Variants in CD200R1 observed in about 807,000 individuals in gnomAD.
CD200R1 encodes cell surface glycoprotein CD200 receptor 1.
In CD200R1, 30 loss-of-function variants were observed where a neutral mutation model predicts 38.1. The observed-to-expected ratio is 0.79, with a 90% confidence interval of 0.59 to 1.07. CD200R1 has a LOEUF of 1.07. Among genes scored for constraint, CD200R1 ranks in the 50% least tolerant of loss-of-function variants. The pLI is 0.00. For missense variants in CD200R1, 372 were observed against 415.4 expected (o/e 0.90, Z 0.91); for synonymous variants, 128 against 152.1 (o/e 0.84, Z 1.16).
intron 1 of CD200R1, among the ~76,000 whole-genome samples, chr3:112,951,242 G>A (rs574457284): frequency 2.0e-5 from 3 of 152,034 alleles, no homozygotes; most frequent in South Asian, 2.1e-4. Flanking sequence ...ACAATATTAC[G>A]CTAATCAAAT....
chr3:112,971,933 C>A (rs539585264), intron 1 of CD200R1, among the ~76,000 whole-genome samples: 1 of 152,274 alleles, frequency 6.6e-6, no homozygotes, highest in East Asian at 1.9e-4. Context: ...TCCATAAAAT[C>A]CTCCACAACT....
At chr3:112,947,803 T>C in intron 2 of CD200R1, 53 bp downstream of exon 2, 1 of 1,131,334 alleles carries the variant, frequency 8.8e-7, no homozygotes, top group Non-Finnish European at 1.4e-6. Context: ...GTAAAACCTA[T>C]ATGGACATCA....
chr3:112,954,018 G>A (rs6787825), intron 1 of CD200R1, among the ~76,000 whole-genome samples: 3,693 of 151,862 alleles, frequency 0.024, 161 homozygotes, highest in African/African-American at 0.082. Context: ...GTCAACATTC[G>A]GTTGTTTATT....
At position 112,947,884 on chromosome 3, in the gene CD200R1, C is replaced by T. The variant is rs149835762; in HGVS notation, c.108G>A (p.Leu36=). The change falls in exon 2 of 8, where the codon CTG becomes CTA. Residue 36 remains leucine, a synonymous_variant. Transcript: ENST00000308611. ...AAGCATGATTCTCCTTGCTAGTTTG[C>T]AGCATTAATGAGTTGTTTGGTTGAG... ...GAAQPNNSLM[L]QTSKENHALA... is the part of the protein sequence containing the mutation. 3.8e-3 allele frequency: 6,171 copies of T among 1,612,868 alleles called. 17 individuals carry two copies. Among genetic ancestry groups the T allele is most frequent in the Middle Eastern group, 8.6e-3 (52 of 6,060 alleles).
intron 1 of CD200R1, among the ~76,000 whole-genome samples, chr3:112,949,862 A>T (rs995867350): frequency 6.6e-6 from 1 of 152,220 alleles, no homozygotes; most frequent in Non-Finnish European, 1.5e-5. Flanking sequence ...TCGGGAAGAG[A>T]CAATTGTCAG....
At chr3:112,951,801 AG>A (rs567729230) in intron 1 of CD200R1, among the ~76,000 whole-genome samples, 153 of 151,502 alleles carry the variant, frequency 1.0e-3, no homozygotes, top group African/African-American at 3.2e-3. Flanking sequence ...AAAAAAGCCT[AG>A]GAAAAAAAGG....
chr3:112,946,914 T>C (rs1467818951), intron 2 of CD200R1, among the ~76,000 whole-genome samples: 1 of 151,298 alleles, frequency 6.6e-6, no homozygotes, highest in Non-Finnish European at 1.5e-5. Flanking sequence ...ATGAATAAAC[T>C]GTGGTATAGT....
intron 2 of CD200R1, among the ~76,000 whole-genome samples, chr3:112,946,052 AG>A (rs1940851657): frequency 5.0e-5 from 7 of 140,230 alleles, no homozygotes; most frequent in Admixed American, 1.4e-4. Context: ...AAAAAAAAAA[AG>A]GAGAACGAAA....
intron 1 of CD200R1, among the ~76,000 whole-genome samples, chr3:112,951,429 A>G (rs1940967183): frequency 6.6e-6 from 1 of 151,970 alleles, no homozygotes; most frequent in Non-Finnish European, 1.5e-5. Context: ...AAGTAATATT[A>G]ATTTTACACA....
intron 1 of CD200R1, among the ~76,000 whole-genome samples, chr3:112,962,766 G>A (rs1030749189): frequency 6.6e-6 from 1 of 152,214 alleles, no homozygotes; most frequent in African/African-American, 2.4e-5. Flanking sequence ...TCTGATGTTA[G>A]AGAAAAGGCC....
At chr3:112,944,090 C>T (rs4682447) in intron 2 of CD200R1, among the ~76,000 whole-genome samples, 138,076 of 151,868 alleles carry the variant, frequency 0.91, 62,978 homozygotes, top group Middle Eastern at 0.94. Flanking sequence ...ACCAGCTCTC[C>T]TTAATCTCTT....
intron 7 of CD200R1, 65 bp downstream of exon 7, chr3:112,924,425 T>A: frequency 8.4e-7 from 1 of 1,187,302 alleles, no homozygotes; most frequent in Non-Finnish European, 1.1e-6. Context: ...AAACTACAAA[T>A]TATGTTGCTA....
In CD200R1 at chr3:112,921,404, A is replaced by G. The variant is rs767150152; in HGVS notation, c.*2273T>C. The G allele has an allele frequency of 1.2e-4, 19 of 152,108 alleles. No individual in the cohort carries two copies. Among genetic ancestry groups the G allele is most frequent in the African/African-American group, 1.7e-4 (7 of 41,438 alleles). The allele number at this position is 152,108 out of a possible 1,614,324, so 9.4% of individuals were successfully genotyped here. On this transcript the variant is annotated 3_prime_UTR_variant, in exon 8 of 8. Coordinates refer to ENST00000308611, the MANE Select transcript of CD200R1 (RefSeq NM_138806.4). ...TGAAGCATAACCCCAATAGATATTT[A>G]GTTATGATGAATTACTTTCAAATTA...
chr3:112,968,768 G>C (rs1023054540), intron 1 of CD200R1, among the ~76,000 whole-genome samples: 4 of 152,142 alleles, frequency 2.6e-5, no homozygotes, highest in Non-Finnish European at 5.9e-5. Context: ...ACACATTGCA[G>C]GTCACAGTCA....
rs1940214167 is a variant in CD200R1 at position 112,923,419 on chromosome 3, G to C, written c.*258C>G. 2 of 272,206 alleles carry C rather than the reference G, an allele frequency of 7.3e-6. No individual in the cohort carries two copies. The highest frequency in any genetic ancestry group is 5.2e-5 in the Admixed American group (1 of 19,320). The allele number at this position is 272,206 out of a possible 1,614,324, so 16.9% of individuals were successfully genotyped here. ...TTTGGTTTTCATTATTTACTGTCCTGCACAATTTGAATATTTGGTCATGGG... is the reference window on the plus strand; with the variant it reads ...TTTGGTTTTCATTATTTACTGTCCTCCACAATTTGAATATTTGGTCATGGG... On this transcript the variant is annotated 3_prime_UTR_variant, in exon 8 of 8. Coordinates refer to ENST00000308611, the MANE Select transcript of CD200R1 (RefSeq NM_138806.4).
chr3:112,929,467 C>G lies in CD200R1; in HGVS notation c.243G>C (p.Val81=). The G allele has an allele frequency of 6.2e-7, 1 of 1,613,682 alleles. No individual in the cohort carries two copies. The highest frequency in any genetic ancestry group is 1.1e-5 in the South Asian group (1 of 91,064). ...TTAATGCGATAGGAGGGCAACAAAGCACAGCATTTGTAGCCATCTTTACAG... is the reference window on the plus strand; with the variant it reads ...TTAATGCGATAGGAGGGCAACAAAGGACAGCATTTGTAGCCATCTTTACAG... ...SWPVKMATNA[V]LCCPPIALRN... is the part of the protein sequence containing the mutation. The change falls in exon 4 of 8, where the codon GTG becomes GTC. Residue 81 remains valine, a synonymous_variant. Transcript: ENST00000308611.
intron 2 of CD200R1, among the ~76,000 whole-genome samples, chr3:112,940,146 T>C (rs1940693712): frequency 6.6e-6 from 1 of 151,496 alleles, no homozygotes; most frequent in Admixed American, 6.6e-5. Context: ...ACCTCCTGCC[T>C]CTCACCCCAT....
chr3:112,928,989 G>A lies in CD200R1; in HGVS notation c.596C>T (p.Ala199Val), dbSNP rs377071470. The change falls in exon 5 of 8, where the codon GCG becomes GTG. Residue 199 changes from alanine (A) to valine (V), a missense_variant. Physicochemically the swap from Ala to Val is moderately conservative, Grantham distance 64. Coordinates refer to ENST00000308611, the MANE Select transcript of CD200R1 (RefSeq NM_138806.4). ...GCCCTCTGGGATCCAGGAGATATGC[G>A]CAGCTGGCTTCCCTGCAACTGCCTT... is the stretch of plus-strand genomic sequence containing the variant. ...VCKAVAGKPA[A>V]HISWIPEGDC... is the part of the protein sequence containing the mutation. 4.3e-6 allele frequency: 7 copies of A among 1,613,796 alleles called. No individual in the cohort carries two copies. The highest frequency in any genetic ancestry group is 2.2e-5 in the East Asian group (1 of 44,880).
In CD200R1 at chr3:112,942,439, A is replaced by C. The variant is rs905512949; in HGVS notation, c.136+5417T>G. ...ATGTATATTGCAAGCTCAAGTGATG[A>C]CTAAAAAAGTAAAAATAGAAATATA... On this transcript the variant is annotated intron_variant, in intron 2 of 7. Coordinates refer to ENST00000308611, the MANE Select transcript of CD200R1 (RefSeq NM_138806.4). 7.2e-5 allele frequency among the ~76,000 whole-genome samples: 11 copies of C among 151,824 alleles called. No homozygotes were observed. The East Asian group carries it at 1.7e-3, about 24-fold the overall frequency.
Sources: gnomAD v4.1 joint callset for allele counts (sites outside exome capture counted in the v4.1 genomes callset) on GRCh38, gnomAD v4.1.1 for gene constraint, MANE v1.5 for transcripts, NCBI Gene and HGNC (gene_info 2026-07-23, HGNC 2026-07-21) for gene names.